The following PDE7A variants were observed in gnomAD, a reference collection of about 807,000 sequenced individuals.
The protein encoded by PDE7A is phosphodiesterase 7A, also known as high affinity 3',5'-cyclic-AMP phosphodiesterase 7A.
PDE7A carries 39 observed loss-of-function variants against 64.3 expected under a neutral mutation model. That is an observed-to-expected ratio of 0.61 (90% CI 0.47 to 0.79). PDE7A has a LOEUF of 0.79. Among genes scored for constraint, PDE7A ranks in the 30% least tolerant of loss-of-function variants. The pLI, the probability that PDE7A is intolerant of heterozygous loss-of-function variation, is 0.00. For synonymous variants in PDE7A, 203 were observed against 206.8 expected, an observed-to-expected ratio of 0.98 and a Z score of 0.16; for missense variants, 470 against 582.8, an observed-to-expected ratio of 0.81 and a Z score of 1.99.
At chr8:65,788,179 G>A (rs911832194) in intron 1 of PDE7A, among the ~76,000 whole-genome samples, 3 of 152,104 alleles carry the variant, frequency 2.0e-5, no homozygotes, top group African/African-American at 7.2e-5. Context: ...AAAAAGCTGT[G>A]TGGTGGATGA....
chr8:65,720,031 T>C (rs17304516), intron 12 of PDE7A, among the ~76,000 whole-genome samples: 16,720 of 152,298 alleles, frequency 0.11, 1,142 homozygotes, highest in Middle Eastern at 0.17. Context: ...GCAAAACTTA[T>C]GATAAGAGTC....
At position 65,745,468 on chromosome 8, in the gene PDE7A, A is replaced by G. The variant is rs1319400163; in HGVS notation, c.438T>C (p.Cys146=). The G allele has an allele frequency of 1.3e-6, 2 of 1,534,710 alleles. No individual in the cohort carries two copies. Among genetic ancestry groups the G allele is most frequent in the Admixed American group, 3.3e-5 (2 of 59,810 alleles). ...TCCAATTTCCAACTTTTTCCAGCAT[A>G]CACTGAAATGAAAACCAAACATTTC... is the stretch of plus-strand genomic sequence containing the variant. ...LDDDYNGQAK[C]MLEKVGNWNF... The change falls in exon 5 of 13, where the codon TGT becomes TGC. Residue 146 remains cysteine, a splice_region_variant and synonymous_variant. Transcript: ENST00000401827.
intron 1 of PDE7A, among the ~76,000 whole-genome samples, chr8:65,788,230 T>A (rs1418362556): frequency 6.6e-6 from 1 of 152,108 alleles, no homozygotes; most frequent in African/African-American, 2.4e-5. Context: ...AAAAAATAAT[T>A]TCAAAGAGTA....
chr8:65,779,880 C>T (rs576790429), intron 2 of PDE7A, 77 bp from the exon 3 acceptor site: 33 of 813,938 alleles, frequency 4.1e-5, no homozygotes, highest in Admixed American at 2.5e-4. Context: ...AACAAAGGTC[C>T]GTGTGGTATC....
Position 65,745,432 on chromosome 8 carries a change from GAT to G in PDE7A, c.472_473del (p.Ile158LeufsTer4). 1 of 1,572,916 alleles carries G rather than the reference GAT, an allele frequency of 6.4e-7. No homozygotes were observed. ...LEKVGNWNFD[I>X]FLFDRLTNGN... Reference sequence around the variant, plus strand: ...CATTTGTTAGTCTATCAAATAGAAAGATATCAAAATTCCAATTTCCAACTTTT... The same window carrying G: ...CATTTGTTAGTCTATCAAATAGAAAGATCAAAATTCCAATTTCCAACTTTT... On this transcript the variant is annotated frameshift_variant, in exon 5 of 13. Coordinates refer to ENST00000401827, the MANE Select transcript of PDE7A (RefSeq NM_001242318.3). LOFTEE classifies it high-confidence loss of function.
At position 65,724,794 on chromosome 8, in the gene PDE7A, T is replaced by G. The variant is rs1243353827; in HGVS notation, c.1048A>C (p.Arg350=). The change falls in exon 10 of 13, where the codon AGA becomes CGA. Residue 350 remains arginine (R), a synonymous_variant. Coordinates refer to ENST00000401827, the MANE Select transcript of PDE7A (RefSeq NM_001242318.3). The stretch of plus-strand genomic sequence containing the variant: ...CATTTTACCTGTAAAACCAAATGTC[T>G]GTGTCTGGTGTCTTCTAGGCATAAA... ...GDLCLEDTRH[R]HLVLQMALKC... The G allele has an allele frequency of 6.2e-7, 1 of 1,606,688 alleles. No individual in the cohort carries two copies. Among genetic ancestry groups the G allele is most frequent in the Non-Finnish European group, 8.5e-7 (1 of 1,176,654 alleles).
chr8:65,720,464 A>G (rs1249500523), intron 12 of PDE7A: 2 of 154,186 alleles, frequency 1.3e-5, no homozygotes, highest in African/African-American at 4.8e-5. Flanking sequence ...TTTATCCAAC[A>G]TAAGAATCTC....
At chr8:65,793,487 A>G (rs867239410) in intron 1 of PDE7A, among the ~76,000 whole-genome samples, 3,066 of 126,666 alleles carry the variant, frequency 0.024, 121 homozygotes, top group African/African-American at 0.087. Flanking sequence ...AGTTTCCTAA[A>G]AAAAAAAAAA....
intron 1 of PDE7A, among the ~76,000 whole-genome samples, chr8:65,839,479 CAA>C (rs757975678): frequency 1.5e-4 from 22 of 151,186 alleles, no homozygotes; most frequent in Non-Finnish European, 2.7e-4. Flanking sequence ...AAATGATATG[CAA>C]AGTCTTGATA....
At chr8:65,759,675 C>T (rs1429347985) in intron 3 of PDE7A, among the ~76,000 whole-genome samples, 3 of 152,164 alleles carry the variant, frequency 2.0e-5, no homozygotes, top group Non-Finnish European at 4.4e-5. Context: ...GGTTCTTACT[C>T]TGTCATTTTG....
chr8:65,812,391 C>T (rs1271993826), intron 1 of PDE7A, among the ~76,000 whole-genome samples: 21 of 151,990 alleles, frequency 1.4e-4, no homozygotes, highest in Non-Finnish European at 1.5e-5. Context: ...CCTTATACCA[C>T]AATAAATTCC....
Position 65,800,517 on chromosome 8 carries a change from A to C in PDE7A, c.139-17674T>G, listed in dbSNP as rs73693430. ...CTGTGTTTAAAAATCCTTGCCTGCAAGTCACTGGGGAGGCCAGGATTTGAG... is the reference window on the plus strand; with the variant it reads ...CTGTGTTTAAAAATCCTTGCCTGCACGTCACTGGGGAGGCCAGGATTTGAG... On this transcript the variant is annotated intron_variant, in intron 1 of 12. Transcript: ENST00000401827. 7.7e-3 allele frequency among the ~76,000 whole-genome samples: 1,176 copies of C among 152,312 alleles called. 10 individuals are homozygous for C. Among genetic ancestry groups the C allele is most frequent in the African/African-American group, 0.026 (1,064 of 41,568 alleles).
At position 65,724,815 on chromosome 8, in the gene PDE7A, A is replaced by G; in HGVS notation, c.1027T>C (p.Cys343Arg). The change falls in exon 10 of 13, where the codon TGC becomes CGC. Residue 343 changes from cysteine (C) to arginine (R), a missense_variant. Physicochemically the swap from Cys to Arg is radical, Grantham distance 180. Coordinates refer to ENST00000401827, the MANE Select transcript of PDE7A (RefSeq NM_001242318.3). ...FRSHLDRGDL[C>R]LEDTRHRHLV... Reference sequence around the variant, plus strand: ...TGTCTGTGTCTGGTGTCTTCTAGGCATAAATCACCTCTATCCAAATGGGAC... The same window carrying G: ...TGTCTGTGTCTGGTGTCTTCTAGGCGTAAATCACCTCTATCCAAATGGGAC... 6.2e-7 allele frequency: 1 copy of G among 1,612,092 alleles called. No homozygotes were observed. Among genetic ancestry groups the G allele is most frequent in the Non-Finnish European group, 8.5e-7 (1 of 1,178,750 alleles).
At chr8:65,736,318 T>C (rs1035028388) in intron 6 of PDE7A, among the ~76,000 whole-genome samples, 4 of 152,186 alleles carry the variant, frequency 2.6e-5, no homozygotes, top group African/African-American at 9.7e-5. Context: ...TTATGAATTG[T>C]TTACTTCTGG....
At chr8:65,730,217 GT>G (rs1219954638) in intron 7 of PDE7A, among the ~76,000 whole-genome samples, 1 of 106,962 alleles carries the variant, frequency 9.3e-6, no homozygotes, top group Non-Finnish European at 1.7e-5. Flanking sequence ...TTTCGCTCTT[GT>G]TGCCCAGGCT....
chr8:65,799,575 G>A (rs2128927827), intron 1 of PDE7A, among the ~76,000 whole-genome samples: 1 of 152,326 alleles, frequency 6.6e-6, no homozygotes, highest in South Asian at 2.1e-4. Flanking sequence ...GACTAGGGTA[G>A]TAAACAGGAG....
intron 3 of PDE7A, among the ~76,000 whole-genome samples, chr8:65,776,650 T>A (rs1563503102): frequency 6.6e-6 from 1 of 152,236 alleles, no homozygotes; most frequent in East Asian, 1.9e-4. Flanking sequence ...ACATATTTGA[T>A]GTTTCTTGAT....
chr8:65,758,190 C>A (rs775913435), intron 3 of PDE7A, among the ~76,000 whole-genome samples: 1 of 152,174 alleles, frequency 6.6e-6, no homozygotes, highest in African/African-American at 2.4e-5. Flanking sequence ...ATTTTTACCA[C>A]TAGGCAATAA....
chr8:65,744,352 G>A (rs1018672930), intron 5 of PDE7A, among the ~76,000 whole-genome samples: 6 of 152,120 alleles, frequency 3.9e-5, no homozygotes, highest in African/African-American at 1.4e-4. Flanking sequence ...TATACTAAAA[G>A]GTAGAACTGC....
Sources: allele counts gnomAD v4.1 joint callset (sites outside exome capture counted in the v4.1 genomes callset), GRCh38; gene constraint gnomAD v4.1.1; transcripts MANE v1.5; gene names NCBI Gene and HGNC (gene_info 2026-07-23, HGNC 2026-07-21).